Variants in FHIP2A observed in about 807,000 individuals in gnomAD.
FHIP2A encodes family with sequence similarity 160 member B1.
A neutral mutation model predicts 93.5 loss-of-function variants in FHIP2A; 46 were observed. The observed-to-expected ratio is 0.49, with a 90% CI of 0.39 to 0.63. The LOEUF (loss-of-function observed/expected upper bound fraction) is 0.63. Among genes scored for constraint, FHIP2A ranks in the 20% least tolerant of loss-of-function variants. FHIP2A has a pLI of 0.00. For missense variants in FHIP2A, 769 were observed against 909.7 expected (o/e 0.85, Z 1.99); for synonymous variants, 332 against 326.5 (o/e 1.02, Z -0.18).
intron 16 of FHIP2A, among the ~76,000 whole-genome samples, chr10:114,879,422 A>T (rs1042909854): frequency 6.6e-6 from 1 of 152,104 alleles, no homozygotes; most frequent in Admixed American, 6.5e-5. Flanking sequence ...AAATGCAATT[A>T]TACCACAGCC....
At chr10:114,836,393 A>C in intron 5 of FHIP2A, 147 bp downstream of exon 5, 1 of 661,690 alleles carries the variant, frequency 1.5e-6, no homozygotes, top group Non-Finnish European at 2.5e-6. Flanking sequence ...CTTTAATATC[A>C]CTATTTTATT....
At chr10:114,874,858 G>T (rs1289473622) in intron 16 of FHIP2A, among the ~76,000 whole-genome samples, 1 of 152,158 alleles carries the variant, frequency 6.6e-6, no homozygotes, top group Non-Finnish European at 1.5e-5. Context: ...GGTGACTCAG[G>T]CCTCTCTAGG....
chr10:114,884,863 G>A (rs1299403614), intron 16 of FHIP2A, among the ~76,000 whole-genome samples: 4 of 148,954 alleles, frequency 2.7e-5, no homozygotes, highest in African/African-American at 1.0e-4. Context: ...GCAGTGAGCT[G>A]AGATAGTGCC....
At chr10:114,852,557 A>G (rs1293010590) in intron 13 of FHIP2A, among the ~76,000 whole-genome samples, 4 of 152,064 alleles carry the variant, frequency 2.6e-5, no homozygotes, top group East Asian at 1.9e-4. Context: ...TGCCCCTACT[A>G]TATCTCTCCT....
intron 3 of FHIP2A, among the ~76,000 whole-genome samples, chr10:114,835,050 T>G (rs1417068853): frequency 1.3e-5 from 2 of 152,232 alleles, no homozygotes; most frequent in Admixed American, 1.3e-4. Context: ...CACAACAGTT[T>G]ACACCATAGG....
rs1198742122 is a variant in FHIP2A, at chr10:114,846,171, T to C, written c.1206-4T>C. ...CCCACTGACTACCTGTTCATTGTGC[T>C]CAGTTCTGAGATGGGTATTCTCACA... On this transcript the variant is annotated splice_region_variant and splice_polypyrimidine_tract_variant and intron_variant, in intron 9 of 16. Transcript: ENST00000369248. 3 of 1,613,900 alleles carry C rather than the reference T, an allele frequency of 1.9e-6. No homozygotes were observed. Among genetic ancestry groups the C allele is most frequent in the Non-Finnish European group, 2.5e-6 (3 of 1,179,910 alleles).
Position 114,864,308 on chromosome 10 carries a change from C to T in FHIP2A, c.*2768C>T, listed in dbSNP as rs1046492. ...GAAGTCCATCAGTATTGACAGAAGA[C>T]GTTACAGTGAAGTGCTAAAACCACA... is the stretch of plus-strand genomic sequence containing the variant. On this transcript the variant is annotated 3_prime_UTR_variant, in exon 17 of 17. Transcript: ENST00000369248. 0.38 allele frequency: 373,200 copies of T among 982,560 alleles called. 72,836 individuals are homozygous for T. Among genetic ancestry groups the T allele is most frequent in the Non-Finnish European group, 0.4 (327,725 of 827,156 alleles). The allele number at this position is 982,560 out of a possible 1,614,324, so 60.9% of individuals were successfully genotyped here.
chr10:114,876,674 G>A, intron 16 of FHIP2A, among the ~76,000 whole-genome samples: 1 of 152,226 alleles, frequency 6.6e-6, no homozygotes, highest in East Asian at 1.9e-4. Context: ...TTCCCAGGGG[G>A]CTCAGATGGA....
chr10:114,840,535 A>T lies in FHIP2A; in HGVS notation c.523-2398A>T, dbSNP rs369949574. Among the ~76,000 whole-genome samples the T allele has an allele frequency of 1.1e-4, 17 of 152,318 alleles. No individual in the cohort carries two copies. In the East Asian group the frequency reaches 3.1e-3, roughly 28 times the overall value. ...TATGGCAGATTCTTTGAGAGGAGAGATAAAATCAGGGAAACTAATTTGGAA... is the reference window on the plus strand; with the variant it reads ...TATGGCAGATTCTTTGAGAGGAGAGTTAAAATCAGGGAAACTAATTTGGAA... On this transcript the variant is annotated intron_variant, in intron 5 of 16. Transcript: ENST00000369248.
chr10:114,897,356 C>T (rs73368776), intron 16 of FHIP2A, among the ~76,000 whole-genome samples: 2,805 of 152,254 alleles, frequency 0.018, 101 homozygotes, highest in African/African-American at 0.064. Flanking sequence ...ACCCTTTATT[C>T]GGTGTACTTT....
At chr10:114,835,452 GTC>G in intron 3 of FHIP2A, 83 bp from the exon 4 acceptor site, 1 of 741,866 alleles carries the variant, frequency 1.3e-6, no homozygotes, top group South Asian at 1.8e-5. Context: ...CATATACATT[GTC>G]TCTCCAATTT....
intron 12 of FHIP2A, 56 bp from the exon 13 acceptor site, chr10:114,848,591 C>CT (rs1380034006): frequency 0.016 from 12,752 of 808,928 alleles, no homozygotes; most frequent in Non-Finnish European, 0.018. Flanking sequence ...CTACTTTTTC[C>CT]TTTTTTTTTT....
intron 5 of FHIP2A, among the ~76,000 whole-genome samples, chr10:114,838,375 C>T (rs1358082892): frequency 6.6e-6 from 1 of 152,084 alleles, no homozygotes; most frequent in African/African-American, 2.4e-5. Context: ...CCTTAACACT[C>T]ATCATGCGCA....
intron 5 of FHIP2A, among the ~76,000 whole-genome samples, chr10:114,842,336 A>G (rs1455673674): frequency 1.3e-5 from 2 of 152,058 alleles, no homozygotes; most frequent in African/African-American, 4.8e-5. Context: ...AAGTGCTGGT[A>G]TTACAGGCAT....
intron 16 of FHIP2A, among the ~76,000 whole-genome samples, chr10:114,879,977 A>G (rs2083908870): frequency 6.6e-6 from 1 of 152,186 alleles, no homozygotes; most frequent in Non-Finnish European, 1.5e-5. Context: ...ATATCTTTAC[A>G]TATGTATTCC....
At chr10:114,851,880 A>T (rs1287799491) in intron 13 of FHIP2A, among the ~76,000 whole-genome samples, 1 of 152,166 alleles carries the variant, frequency 6.6e-6, no homozygotes, top group Non-Finnish European at 1.5e-5. Context: ...TATTCAACAG[A>T]ATTTCATAGT....
intron 1 of FHIP2A, among the ~76,000 whole-genome samples, chr10:114,825,717 G>C (rs970782911): frequency 1.3e-5 from 2 of 152,224 alleles, no homozygotes; most frequent in African/African-American, 4.8e-5. Flanking sequence ...TCCGGGGTTA[G>C]ATTGGATTGT....
intron 5 of FHIP2A, among the ~76,000 whole-genome samples, chr10:114,837,441 G>A (rs2083642493): frequency 6.6e-6 from 1 of 152,194 alleles, no homozygotes; most frequent in Non-Finnish European, 1.5e-5. Flanking sequence ...CTTGAACCCG[G>A]GAGGTGGAGG....
In FHIP2A at chr10:114,861,999, C is replaced by T. The variant is rs1175535876; in HGVS notation, c.*459C>T. The T allele has an allele frequency of 2.1e-6, 2 of 974,462 alleles. No homozygotes were observed. The highest frequency in any genetic ancestry group is 3.5e-5 in the African/African-American group (2 of 56,934). The allele number at this position is 974,462 out of a possible 1,614,324, so 60.4% of individuals were successfully genotyped here. A position where few individuals can be genotyped will look rare whatever the true frequency, so the allele number is the denominator to read the frequency against. On this transcript the variant is annotated 3_prime_UTR_variant, in exon 17 of 17. Coordinates refer to ENST00000369248, the MANE Select transcript of FHIP2A (RefSeq NM_020940.4). The stretch of plus-strand genomic sequence containing the variant: ...TTTATAACTTTTTAAGGTCAGAATT[C>T]TTATCAAACAAAATATGAAAACTGT...
Sources: gnomAD v4.1 joint callset for allele counts (sites outside exome capture counted in the v4.1 genomes callset) on GRCh38, gnomAD v4.1.1 for gene constraint, MANE v1.5 for transcripts, NCBI Gene and HGNC (gene_info 2026-07-23, HGNC 2026-07-21) for gene names.